The following KIAA1549L variants were observed in gnomAD, a reference collection of about 807,000 sequenced individuals.
The protein encoded by KIAA1549L is KIAA1549 like, also known as UPF0606 protein KIAA1549L.
KIAA1549L carries 88 observed loss-of-function variants against 160.7 expected under a neutral mutation model. The ratio of observed to expected loss-of-function variants is 0.55; its 90% confidence interval spans 0.46 to 0.65. The LOEUF (loss-of-function observed/expected upper bound fraction) is 0.65, where lower values mean the gene tolerates loss of function less well. Ranked by LOEUF, KIAA1549L falls within the 30% of genes least tolerant of loss-of-function variation. The probability of loss-of-function intolerance (pLI) is 0.00; values close to 1 mark genes in which losing one functional copy is unlikely to be tolerated. For missense variants in KIAA1549L, 2,258 were observed against 2,437.5 expected (o/e 0.93, Z 1.55); for synonymous variants, 950 against 976.7 (o/e 0.97, Z 0.51).
In KIAA1549L at chr11:33,666,326, A is replaced by G. The variant is rs115595461; in HGVS notation, c.6160-1547A>G. 7.1e-3 allele frequency among the ~76,000 whole-genome samples: 1,085 copies of G among 152,326 alleles called. 18 individuals carry two copies. The highest frequency in any genetic ancestry group is 0.025 in the African/African-American group (1,029 of 41,570). The stretch of plus-strand genomic sequence containing the variant: ...CTAGCCACGCATCCCTGCTGCAGCC[A>G]GTATGATGGCAGCAGCCTCTGCCAT... On this transcript the variant is annotated intron_variant, in intron 20 of 20. Transcript: ENST00000658780.
intron 1 of KIAA1549L, among the ~76,000 whole-genome samples, chr11:33,464,813 T>A (rs1447145527): frequency 1.3e-5 from 2 of 152,100 alleles, no homozygotes; most frequent in Non-Finnish European, 2.9e-5. Context: ...TCACCCTGTG[T>A]CTTCCCCCAC....
intron 1 of KIAA1549L, among the ~76,000 whole-genome samples, chr11:33,382,490 A>C (rs1490959414): frequency 6.6e-6 from 1 of 152,096 alleles, no homozygotes; most frequent in Non-Finnish European, 1.5e-5. Flanking sequence ...ATTCTTATGA[A>C]GTTTTTTCTC....
chr11:33,403,296 C>CATGCAG (rs1850553246), intron 1 of KIAA1549L: 10 of 82,980 alleles, frequency 1.2e-4, no homozygotes, highest in South Asian at 5.3e-4. Flanking sequence ...CACACACACA[C>CATGCAG]ACACGCATAC....
At position 33,624,822 on chromosome 11, in the gene KIAA1549L, T is replaced by C. The variant is rs573073585; in HGVS notation, c.5409+6160T>C. Among the ~76,000 whole-genome samples, 87 of 151,458 alleles carry C rather than the reference T, an allele frequency of 5.7e-4. 1 individual carries two copies. The highest frequency in any genetic ancestry group is 2.1e-3 in the African/African-American group (87 of 41,246). On this transcript the variant is annotated intron_variant, in intron 16 of 20. Coordinates refer to ENST00000658780, the MANE Select transcript of KIAA1549L (RefSeq NM_012194.3). ...GTGCACAATGTGCAGGTTAGATACA[T>C]ATGTATACATGTGCCATGCTGGTGC...
chr11:33,505,816 G>A (rs964849644), intron 1 of KIAA1549L, among the ~76,000 whole-genome samples: 1 of 152,198 alleles, frequency 6.6e-6, no homozygotes, highest in Admixed American at 6.5e-5. Context: ...GCACCTGGGA[G>A]TATGATTCCA....
chr11:33,515,951 G>A (rs1226164827), intron 1 of KIAA1549L, among the ~76,000 whole-genome samples: 1 of 152,148 alleles, frequency 6.6e-6, no homozygotes, highest in Non-Finnish European at 1.5e-5. Flanking sequence ...GATGCTAGAA[G>A]AAACCTCAGA....
chr11:33,412,011 A>G (rs1358985587), intron 1 of KIAA1549L, among the ~76,000 whole-genome samples: 1 of 152,198 alleles, frequency 6.6e-6, no homozygotes, highest in Non-Finnish European at 1.5e-5. Flanking sequence ...ACATCTTTCT[A>G]CTGACAATTG....
intron 16 of KIAA1549L, among the ~76,000 whole-genome samples, chr11:33,633,706 G>A (rs1240562028): frequency 6.6e-6 from 1 of 152,200 alleles, no homozygotes; most frequent in Non-Finnish European, 1.5e-5. Context: ...TTTTGAAGAG[G>A]TGTTTTTAAT....
At chr11:33,475,898 C>T (rs543849315) in intron 1 of KIAA1549L, among the ~76,000 whole-genome samples, 8 of 152,124 alleles carry the variant, frequency 5.3e-5, no homozygotes, top group Admixed American at 4.6e-4. Context: ...GTCTCTCTCC[C>T]GCCTGCCCCC....
intron 1 of KIAA1549L, among the ~76,000 whole-genome samples, chr11:33,533,272 G>A (rs1244017569): frequency 1.3e-5 from 2 of 152,170 alleles, no homozygotes; most frequent in African/African-American, 2.4e-5. Context: ...CTAGCAGCGC[G>A]AAGAGCCTCA....
chr11:33,477,473 G>T (rs1852310956), intron 1 of KIAA1549L, among the ~76,000 whole-genome samples: 1 of 151,818 alleles, frequency 6.6e-6, no homozygotes, highest in Non-Finnish European at 1.5e-5. Context: ...GCACTGTGAT[G>T]AATAATCTGT....
intron 1 of KIAA1549L, among the ~76,000 whole-genome samples, chr11:33,416,256 TG>T (rs1303229695): frequency 6.6e-6 from 1 of 152,152 alleles, no homozygotes; most frequent in Non-Finnish European, 1.5e-5. Context: ...GAGTATTTAT[TG>T]TTCCTTGGAT....
Position 33,574,755 on chromosome 11 carries a change from C to T in KIAA1549L, c.4284C>T (p.Tyr1428=), listed in dbSNP as rs1229514157. 2.5e-6 allele frequency: 4 copies of T among 1,614,000 alleles called. No homozygotes were observed. In the Admixed American group the frequency reaches 5.0e-5, roughly 20 times the overall value. The change falls in exon 10 of 21, where the codon TAC becomes TAT. Residue 1428 remains tyrosine, a synonymous_variant. Coordinates refer to ENST00000658780, the MANE Select transcript of KIAA1549L (RefSeq NM_012194.3). ...PGPKDPAELT[Y]YTLYNGKPLL... ...CGAAGGACCCAGCGGAGCTGACTTA[C>T]TATACCCTGTACAACGGGAAGCCTT...
intron 1 of KIAA1549L, among the ~76,000 whole-genome samples, chr11:33,485,872 T>C (rs968589937): frequency 2.0e-5 from 3 of 152,132 alleles, no homozygotes; most frequent in African/African-American, 7.2e-5. Context: ...GTGAGATCCT[T>C]GGTATTTGTC....
chr11:33,664,601 TGG>T (rs1852377976), intron 20 of KIAA1549L, among the ~76,000 whole-genome samples: 1 of 152,206 alleles, frequency 6.6e-6, no homozygotes. Flanking sequence ...CCCTAATGAA[TGG>T]GATTAGTGCC....
intron 11 of KIAA1549L, among the ~76,000 whole-genome samples, chr11:33,589,205 A>G (rs1173617786): frequency 6.6e-6 from 1 of 152,250 alleles, no homozygotes; most frequent in Non-Finnish European, 1.5e-5. Context: ...TCAAAACCAC[A>G]ATGAGATATC....
chr11:33,535,667 G>A (rs1045539261), intron 1 of KIAA1549L, among the ~76,000 whole-genome samples: 2 of 151,798 alleles, frequency 1.3e-5, no homozygotes, highest in Non-Finnish European at 2.9e-5. Context: ...GTGAGACCCT[G>A]TCCCCCCTCC....
At chr11:33,408,489 G>GTGTGTATATATATATATATATATATA (rs34208718) in intron 1 of KIAA1549L, among the ~76,000 whole-genome samples, 6 of 123,074 alleles carry the variant, frequency 4.9e-5, no homozygotes, top group Admixed American at 7.8e-5. Flanking sequence ...CTGTATATGT[G>GTGTGTATATATATATATATATATATA]TATATATATA....
At chr11:33,428,653 G>A (rs1851169136) in intron 1 of KIAA1549L, among the ~76,000 whole-genome samples, 1 of 152,166 alleles carries the variant, frequency 6.6e-6, no homozygotes, top group African/African-American at 2.4e-5. Flanking sequence ...TGGCTGCATA[G>A]TATTCCATGG....
Sources: allele counts gnomAD v4.1 joint callset (sites outside exome capture counted in the v4.1 genomes callset), GRCh38; gene constraint gnomAD v4.1.1; transcripts MANE v1.5; gene names NCBI Gene and HGNC (gene_info 2026-07-23, HGNC 2026-07-21).